Variants in MYOCD observed in about 807,000 individuals in gnomAD.
MYOCD encodes the protein myocardin.
A neutral mutation model predicts 96.1 loss-of-function variants in MYOCD; 32 were observed. The observed-to-expected ratio is 0.33, with a 90% CI of 0.25 to 0.45. The LOEUF is 0.45. Among genes scored for constraint, MYOCD ranks in the 20% least tolerant of loss-of-function variants. The pLI, the probability that MYOCD is intolerant of heterozygous loss-of-function variation, is 1.00. For missense variants in MYOCD, 1,133 were observed against 1,200.6 expected, an observed-to-expected ratio of 0.94 and a Z score of 0.83; for synonymous variants, 469 against 469.0, an observed-to-expected ratio of 1.00 and a Z score of 0.00.
chr17:12,761,358 C>G, intron 13 of MYOCD: 1 of 152,014 alleles, frequency 6.6e-6, no homozygotes. Flanking sequence ...ACGGAGGTAG[C>G]AAAGGACTCA....
intron 1 of MYOCD, among the ~76,000 whole-genome samples, chr17:12,668,754 A>C (rs1362785768): frequency 6.6e-6 from 1 of 152,104 alleles, no homozygotes; most frequent in Non-Finnish European, 1.5e-5. Context: ...TCTGTGCCTC[A>C]ACTTGCCTCA....
At chr17:12,686,583 G>T (rs2030129683) in intron 1 of MYOCD, among the ~76,000 whole-genome samples, 1 of 152,192 alleles carries the variant, frequency 6.6e-6, no homozygotes, top group South Asian at 2.1e-4. Context: ...TTTCCATTTA[G>T]ACACAGGGCT....
At chr17:12,708,352 G>C (rs1200412685) in intron 2 of MYOCD, among the ~76,000 whole-genome samples, 1 of 152,008 alleles carries the variant, frequency 6.6e-6, no homozygotes, top group East Asian at 1.9e-4. Flanking sequence ...AAAACTCAAA[G>C]TTGATGGCCA....
At chr17:12,757,975 T>G in intron 11 of MYOCD, 110 bp from the exon 12 acceptor site, 1 of 811,310 alleles carries the variant, frequency 1.2e-6, no homozygotes, top group Non-Finnish European at 2.1e-6. Context: ...ACTTTTCTTT[T>G]TTCCTCTTAG....
Position 12,753,339 on chromosome 17 carries a change from C to A in MYOCD, c.2051C>A (p.Thr684Asn). Residue 684 changes from threonine (T) to asparagine (N), a missense_variant, in exon 10 of 14, where the codon ACT (threonine) becomes AAT (asparagine). Thr to Asn is a moderately conservative substitution (Grantham distance 65, BLOSUM62 0). Coordinates refer to ENST00000425538, the MANE Select transcript of MYOCD (RefSeq NM_001146312.3). ...TCGCCCATCAGCAGCCAGGTGTGCA[C>A]TGCACAGGTAAGAGCACCTTGCGCC... is the stretch of plus-strand genomic sequence containing the variant. ...VSSPISSQVCTAQNSGAHDGH... is the reference protein window; with the variant it reads ...VSSPISSQVCNAQNSGAHDGH... 1 of 1,593,918 alleles carries A rather than the reference C, an allele frequency of 6.3e-7. No homozygotes were observed.
At chr17:12,743,300 G>A (rs888289198) in intron 7 of MYOCD, among the ~76,000 whole-genome samples, 6 of 151,942 alleles carry the variant, frequency 3.9e-5, no homozygotes, top group African/African-American at 9.7e-5. Context: ...TCGGTATTTG[G>A]CAGGCAGGCG....
intron 9 of MYOCD, among the ~76,000 whole-genome samples, chr17:12,749,249 C>T (rs867414786): frequency 2.0e-5 from 3 of 152,048 alleles, no homozygotes; most frequent in Non-Finnish European, 2.9e-5. Context: ...TGATTTCAGG[C>T]GGGGCGCAGT....
chr17:12,734,918 C>G lies in MYOCD; in HGVS notation c.416-1243C>G, dbSNP rs552146724. 4.6e-5 allele frequency among the ~76,000 whole-genome samples: 7 copies of G among 152,288 alleles called. No individual in the cohort carries two copies. The East Asian group carries it at 7.7e-4, about 17-fold the overall frequency. On this transcript the variant is annotated intron_variant, in intron 5 of 13. Coordinates refer to ENST00000425538, the MANE Select transcript of MYOCD (RefSeq NM_001146312.3). ...TAAATAACCTTGGAGCAGAAATGCT[C>G]AGCCCCAAACCCTTCCCAGTTAGTG...
At chr17:12,715,710 G>A in intron 3 of MYOCD, 136 bp downstream of exon 3, 1 of 577,268 alleles carries the variant, frequency 1.7e-6, no homozygotes, top group South Asian at 2.5e-5. Context: ...CATATCATGT[G>A]GAATCTTACT....
intron 2 of MYOCD, chr17:12,710,600 C>A: frequency 1.6e-6 from 1 of 612,942 alleles, no homozygotes; most frequent in Non-Finnish European, 2.0e-6. Context: ...GCAATTCCCG[C>A]ACCCATATCA....
intron 1 of MYOCD, among the ~76,000 whole-genome samples, chr17:12,694,737 C>T (rs2030652765): frequency 6.6e-6 from 1 of 152,102 alleles, no homozygotes; most frequent in African/African-American, 2.4e-5. Flanking sequence ...AATCATTCTA[C>T]TTCTAGGAGT....
intron 5 of MYOCD, among the ~76,000 whole-genome samples, chr17:12,728,467 T>C (rs1268979393): frequency 1.3e-5 from 2 of 152,126 alleles, no homozygotes; most frequent in African/African-American, 2.4e-5. Flanking sequence ...TCTTCCCACC[T>C]GAGTCAGGTT....
Position 12,752,994 on chromosome 17 carries a change from C to G in MYOCD, c.1706C>G (p.Ser569Cys). ...EKKPLPFLAASIKQEEAVSSC... is the reference protein window; with the variant it reads ...EKKPLPFLAACIKQEEAVSSC... ...AAGCCGCTGCCTTTCCTGGCTGCCT[C>G]CATCAAGCAGGAAGAGGCTGTCTCC... The change falls in exon 10 of 14, where the codon TCC (serine) becomes TGC (cysteine). Residue 569 changes from serine to cysteine, a missense_variant. Coordinates refer to ENST00000425538, the MANE Select transcript of MYOCD (RefSeq NM_001146312.3). 6.2e-7 allele frequency: 1 copy of G among 1,614,156 alleles called. No individual in the cohort carries two copies. Among genetic ancestry groups the G allele is most frequent in the Non-Finnish European group, 8.5e-7 (1 of 1,180,026 alleles).
At chr17:12,682,560 C>T (rs1459865369) in intron 1 of MYOCD, among the ~76,000 whole-genome samples, 1 of 152,194 alleles carries the variant, frequency 6.6e-6, no homozygotes, top group African/African-American at 2.4e-5. Context: ...TAAACAGGTA[C>T]CACTGCCCTT....
intron 1 of MYOCD, among the ~76,000 whole-genome samples, chr17:12,686,971 G>C (rs2030154303): frequency 6.6e-6 from 1 of 152,174 alleles, no homozygotes; most frequent in African/African-American, 2.4e-5. Flanking sequence ...TCCGCTCTTT[G>C]CTCCTGAATA....
At chr17:12,692,928 T>C (rs1197599150) in intron 1 of MYOCD, among the ~76,000 whole-genome samples, 2 of 152,016 alleles carry the variant, frequency 1.3e-5, no homozygotes, top group African/African-American at 4.8e-5. Flanking sequence ...CATTAGTGAG[T>C]TTATCACTTT....
chr17:12,723,915 A>G (rs979459190), intron 5 of MYOCD, among the ~76,000 whole-genome samples: 11 of 152,230 alleles, frequency 7.2e-5, no homozygotes, highest in Admixed American at 2.0e-4. Context: ...GTTTATTCAC[A>G]TTCTAAAATC....
intron 1 of MYOCD, among the ~76,000 whole-genome samples, chr17:12,673,110 G>GC (rs1909803500): frequency 6.6e-6 from 1 of 151,930 alleles, no homozygotes; most frequent in South Asian, 2.1e-4. Flanking sequence ...TTCTATTTCC[G>GC]GAAACACTCT....
intron 1 of MYOCD, 65 bp from the exon 2 acceptor site, chr17:12,705,063 A>G (rs1359230789): frequency 5.1e-6 from 5 of 984,372 alleles, no homozygotes; most frequent in Non-Finnish European, 8.0e-6. Context: ...ATGAATGTGT[A>G]ATGAAAATAT....
Sources: gnomAD v4.1 joint callset for allele counts (sites outside exome capture counted in the v4.1 genomes callset) on GRCh38, gnomAD v4.1.1 for gene constraint, MANE v1.5 for transcripts, NCBI Gene and HGNC (gene_info 2026-07-23, HGNC 2026-07-21) for gene names.